Variants in INTS8 observed in about 807,000 individuals in gnomAD.
The protein encoded by INTS8 is integrator complex subunit 8.
A neutral mutation model predicts 138.9 loss-of-function variants in INTS8; 47 were observed. That is an observed-to-expected ratio of 0.34 (90% CI 0.27 to 0.43). The LOEUF is 0.43. Ranked by LOEUF, INTS8 falls within the 20% of genes least tolerant of loss-of-function variation. INTS8 has a pLI of 1.00. For missense variants in INTS8, 996 were observed against 1,173.0 expected, an observed-to-expected ratio of 0.85 and a Z score of 2.20; for synonymous variants, 392 against 400.9, an observed-to-expected ratio of 0.98 and a Z score of 0.27.
At chr8:94,834,212 A>G (rs6996286) in intron 6 of INTS8, among the ~76,000 whole-genome samples, 244 of 152,260 alleles carry the variant, frequency 1.6e-3, no homozygotes, top group African/African-American at 5.5e-3. Flanking sequence ...CAGTAAATCT[A>G]TTGAGCACCT....
intron 6 of INTS8, among the ~76,000 whole-genome samples, chr8:94,835,605 C>CT (rs543122431): frequency 0.23 from 33,513 of 145,912 alleles, 3,857 homozygotes; most frequent in Middle Eastern, 0.29. Context: ...GAGCCTGCTT[C>CT]TTTTTTTTTT....
rs182450271 is a variant in INTS8, at chr8:94,859,375, A to G, written c.1955-136A>G. The G allele has an allele frequency of 2.8e-4, 218 of 768,716 alleles. No individual in the cohort carries two copies. In the East Asian group the frequency reaches 4.7e-3, roughly 17 times the overall value. The allele number at this position is 768,716 out of a possible 1,614,324, so 47.6% of individuals were successfully genotyped here. On this transcript the variant is annotated intron_variant, in intron 15 of 26. Coordinates refer to ENST00000523731, the MANE Select transcript of INTS8 (RefSeq NM_017864.4). The stretch of plus-strand genomic sequence containing the variant: ...GTGATCCTCCTGCCTTGGCCTCCCA[A>G]AGTGTTGGGATTACAGGTGTGAGCC...
intron 12 of INTS8, among the ~76,000 whole-genome samples, chr8:94,851,270 A>G (rs750450226): frequency 8.5e-5 from 13 of 152,210 alleles, no homozygotes; most frequent in Non-Finnish European, 1.5e-4. Context: ...TATATTCCAC[A>G]TAGTTCTTTG....
chr8:94,850,038 C>A lies in INTS8; in HGVS notation c.1454C>A (p.Ser485Tyr), dbSNP rs1302629392. The A allele has an allele frequency of 9.9e-6, 16 of 1,613,148 alleles. No individual in the cohort carries two copies. Among genetic ancestry groups the A allele is most frequent in the Non-Finnish European group, 1.3e-5 (15 of 1,179,408 alleles). ...CTTGTTGATCAGATGAGGAAGAGAT[C>A]CCCTAGAGTAAATCTGTGCATTAAA... ...KLLVDQMRKRSPRVNLCIKPV... is the reference protein window; with the variant it reads ...KLLVDQMRKRYPRVNLCIKPV... Residue 485 changes from serine (S) to tyrosine (Y), a missense_variant, in exon 12 of 27, where the codon TCC (serine) becomes TAC (tyrosine). Transcript: ENST00000523731.
At chr8:94,827,198 T>A in intron 2 of INTS8, 65 bp from the exon 3 acceptor site, 1 of 1,398,388 alleles carries the variant, frequency 7.2e-7, no homozygotes, top group African/African-American at 1.4e-5. Flanking sequence ...GGATATGGAA[T>A]TTTGTATGTA....
chr8:94,857,967 C>T (rs1219619503), intron 15 of INTS8, among the ~76,000 whole-genome samples: 4 of 152,324 alleles, frequency 2.6e-5, no homozygotes, highest in Middle Eastern at 3.4e-3. Flanking sequence ...TTCCTTGTTA[C>T]AGCCATAAAA....
chr8:94,825,434 A>T (rs1043630831), intron 2 of INTS8, among the ~76,000 whole-genome samples: 4 of 151,060 alleles, frequency 2.6e-5, no homozygotes, highest in African/African-American at 7.3e-5. Flanking sequence ...TCGGAAAAAA[A>T]AAAAAAATAA....
intron 8 of INTS8, among the ~76,000 whole-genome samples, chr8:94,840,229 A>G (rs1265493371): frequency 6.6e-6 from 1 of 152,198 alleles, no homozygotes; most frequent in African/African-American, 2.4e-5. Context: ...CACACTTGAG[A>G]AGCTGCTGTG....
Position 94,845,765 on chromosome 8 carries a change from T to C in INTS8, c.1260+3277T>C, listed in dbSNP as rs540383241. Among the ~76,000 whole-genome samples, 3 of 152,336 alleles carry C rather than the reference T, an allele frequency of 2.0e-5. No individual in the cohort carries two copies. In the South Asian group the frequency reaches 6.2e-4, roughly 32 times the overall value. On this transcript the variant is annotated intron_variant, in intron 10 of 26. Transcript: ENST00000523731. ...TGTGAGCTACCACGCCCGGCAGTCC[T>C]TTGCATTTTTATGTGTCAACATTAG...
intron 10 of INTS8, among the ~76,000 whole-genome samples, chr8:94,848,080 C>T (rs1434229839): frequency 6.7e-6 from 1 of 149,356 alleles, no homozygotes; most frequent in Non-Finnish European, 1.5e-5. Context: ...CTGATCTCCA[C>T]TCACTCTAAC....
At position 94,836,606 on chromosome 8, in the gene INTS8, T is replaced by A; in HGVS notation, c.836T>A (p.Phe279Tyr). 1 of 1,612,864 alleles carries A rather than the reference T, an allele frequency of 6.2e-7. No homozygotes were observed. The highest frequency in any genetic ancestry group is 8.5e-7 in the Non-Finnish European group (1 of 1,178,906). Residue 279 changes from phenylalanine (F) to tyrosine (Y), a missense_variant, in exon 7 of 27, where the codon TTT becomes TAT. Physicochemically the swap from Phe to Tyr is conservative, Grantham distance 22. Coordinates refer to ENST00000523731, the MANE Select transcript of INTS8 (RefSeq NM_017864.4). ...TATGAAAATGCCAGGGAAAAATTTT[T>A]TAGAACCAAAGAACTAATTGCAGAG... ...AVYENAREKF[F>Y]RTKELIAEIG...
intron 13 of INTS8, 138 bp from the exon 14 acceptor site, chr8:94,853,667 C>T: frequency 1.9e-6 from 1 of 532,714 alleles, no homozygotes. Context: ...TATATTATGG[C>T]TGTCATTTTC....
chr8:94,875,019 G>T (rs1375003672), intron 23 of INTS8, among the ~76,000 whole-genome samples: 1 of 152,106 alleles, frequency 6.6e-6, no homozygotes, highest in African/African-American at 2.4e-5. Flanking sequence ...AATATAAAAT[G>T]GTGTAGCATC....
chr8:94,875,886 A>C (rs1816548488), intron 23 of INTS8, 188 bp from the exon 24 acceptor site: 4 of 521,402 alleles, frequency 7.7e-6, no homozygotes, highest in Non-Finnish European at 1.4e-5. Flanking sequence ...GGTTGAGGTC[A>C]CTGATGAAGA....
rs143855731 is a variant in INTS8 at position 94,844,974 on chromosome 8, G to T, written c.1260+2486G>T. 1.4e-3 allele frequency among the ~76,000 whole-genome samples: 214 copies of T among 151,388 alleles called. 1 individual carries two copies. The highest frequency in any genetic ancestry group is 5.0e-3 in the African/African-American group (206 of 41,270). On this transcript the variant is annotated intron_variant, in intron 10 of 26. Transcript: ENST00000523731. ...TTGTCACGTTGTCCAGGCTGGGCTC[G>T]AACTGTTGAGCTCAGGTGATCCACT...
In INTS8 at chr8:94,851,693, C is replaced by A; in HGVS notation, c.1641+7C>A. 6.3e-7 allele frequency: 1 copy of A among 1,577,272 alleles called. No individual in the cohort carries two copies. Among genetic ancestry groups the A allele is most frequent in the Non-Finnish European group, 8.6e-7 (1 of 1,168,398 alleles). On this transcript the variant is annotated splice_region_variant and intron_variant, in intron 13 of 26. Coordinates refer to ENST00000523731, the MANE Select transcript of INTS8 (RefSeq NM_017864.4). Reference sequence around the variant, plus strand: ...CTGGACAGTGTCTAATAAGGTAAACCCTATGTCAAGAACAGATAAGAAAAT... The same window carrying A: ...CTGGACAGTGTCTAATAAGGTAAACACTATGTCAAGAACAGATAAGAAAAT...
At chr8:94,865,410 A>C in intron 16 of INTS8, 96 bp from the exon 17 acceptor site, 1 of 947,312 alleles carries the variant, frequency 1.1e-6, no homozygotes, top group South Asian at 1.6e-5. Context: ...ATGTTTGGGC[A>C]GTCATTCCAT....
chr8:94,851,612 T>C lies in INTS8; in HGVS notation c.1567T>C (p.Trp523Arg). The change falls in exon 13 of 27, where the codon TGG becomes CGG. Residue 523 changes from tryptophan (W) to arginine (R), a missense_variant. Transcript: ENST00000523731. ...EHQLILSVDPWRIRQILIELH... is the reference protein window; with the variant it reads ...EHQLILSVDPRRIRQILIELH... Reference sequence around the variant, plus strand: ...TCAACTTATATTGTCAGTGGATCCTTGGAGGATTAGACAAATTTTAATTGA... The same window carrying C: ...TCAACTTATATTGTCAGTGGATCCTCGGAGGATTAGACAAATTTTAATTGA... The C allele has an allele frequency of 1.2e-6, 2 of 1,602,494 alleles. No homozygotes were observed. Among genetic ancestry groups the C allele is most frequent in the Non-Finnish European group, 1.7e-6 (2 of 1,175,312 alleles).
chr8:94,873,648 A>G (rs1250771002), intron 22 of INTS8, 171 bp downstream of exon 22: 5 of 561,790 alleles, frequency 8.9e-6, no homozygotes, highest in South Asian at 2.3e-5. Context: ...TCTAGCACCT[A>G]TTGCTGTCTT....
Sources: allele counts gnomAD v4.1 joint callset (sites outside exome capture counted in the v4.1 genomes callset), GRCh38; gene constraint gnomAD v4.1.1; transcripts MANE v1.5; gene names NCBI Gene and HGNC (gene_info 2026-07-23, HGNC 2026-07-21).